The following DMD variants were observed in gnomAD, a reference collection of about 807,000 sequenced individuals.
DMD encodes dystrophin.
DMD carries 63 observed loss-of-function variants against 330.1 expected under a neutral mutation model. The observed-to-expected ratio is 0.19, with a 90% CI of 0.16 to 0.24. The LOEUF (loss-of-function observed/expected upper bound fraction) is 0.24, where lower values mean the gene tolerates loss of function less well. Among genes scored for constraint, DMD ranks in the 10% least tolerant of loss-of-function variants. The pLI is 1.00. For missense variants in DMD, 3,344 were observed against 2,684.1 expected, an observed-to-expected ratio of 1.25 and a Z score of -5.43; for synonymous variants, 1,223 against 959.8, an observed-to-expected ratio of 1.27 and a Z score of -5.07.
chrX:33,316,359 G>T (rs2053932754), intron 1 of DMD, among the ~76,000 whole-genome samples: 1 of 110,651 alleles, frequency 9.0e-6, no homozygotes, highest in African/African-American at 3.3e-5. Context: ...TGGGTTTAAA[G>T]GAAAGGCAGG....
At chrX:31,306,025 C>G (rs979007308) in intron 62 of DMD, among the ~76,000 whole-genome samples, 2 of 111,768 alleles carry the variant, frequency 1.8e-5, no homozygotes, top group African/African-American at 6.5e-5. Flanking sequence ...ATTTGAACTA[C>G]CTTAAAAGAT....
chrX:33,278,000 A>G (rs759626565), intron 1 of DMD, among the ~76,000 whole-genome samples: 56 of 110,435 alleles, frequency 5.1e-4, no homozygotes, highest in African/African-American at 1.8e-3. Flanking sequence ...AGCTATTCAG[A>G]AAGCTGAGGC....
At chrX:31,652,244 C>T in intron 54 of DMD, among the ~76,000 whole-genome samples, 1 of 111,437 alleles carries the variant, frequency 9.0e-6, no homozygotes, top group East Asian at 2.8e-4. Context: ...TTTTGATTAC[C>T]ACATTTTCAT....
intron 45 of DMD, among the ~76,000 whole-genome samples, chrX:31,934,944 A>G (rs1270564482): frequency 8.9e-6 from 1 of 112,165 alleles, no homozygotes; most frequent in Admixed American, 9.5e-5. Context: ...AAAAATAGGA[A>G]AAGTCAATTT....
At chrX:32,692,072 C>G (rs2063320962) in intron 9 of DMD, among the ~76,000 whole-genome samples, 1 of 112,016 alleles carries the variant, frequency 8.9e-6, no homozygotes, top group Non-Finnish European at 1.9e-5. Context: ...TTCTCAAGAT[C>G]TGTTGTACAA....
At chrX:32,254,820 T>C (rs775562382) in intron 43 of DMD, among the ~76,000 whole-genome samples, 1 of 112,110 alleles carries the variant, frequency 8.9e-6, no homozygotes, top group South Asian at 3.7e-4. Flanking sequence ...TTTGGGCACA[T>C]GGGCTTGTCT....
At chrX:31,248,809 A>AG (rs1447501447) in intron 63 of DMD, among the ~76,000 whole-genome samples, 6 of 111,466 alleles carry the variant, frequency 5.4e-5, no homozygotes, top group African/African-American at 2.0e-4. Flanking sequence ...CTCCGGCAAT[A>AG]GGTCTGGCTA....
chrX:33,056,349 C>T lies in DMD; in HGVS notation c.32-36149G>A, dbSNP rs7472656. Among the ~76,000 whole-genome samples the T allele has an allele frequency of 9.2e-3, 931 of 101,231 alleles. 8 individuals are homozygous for T. The highest frequency in any genetic ancestry group is 0.031 in the African/African-American group (886 of 28,489). 87.9% of individuals were successfully genotyped at this position (101,231 alleles called of 115,157 possible). A position where few individuals can be genotyped will look rare whatever the true frequency, so the allele number is the denominator to read the frequency against. On this transcript the variant is annotated intron_variant, in intron 1 of 78. Transcript: ENST00000357033. ...CTGACCCCTGCGCTCTTTTTTTTTTCTTTTTCTTTTCTTTTTTCTTTTCTT... is the reference window on the plus strand; with the variant it reads ...CTGACCCCTGCGCTCTTTTTTTTTTTTTTTTCTTTTCTTTTTTCTTTTCTT...
intron 15 of DMD, among the ~76,000 whole-genome samples, chrX:32,572,124 A>G (rs2052490205): frequency 8.9e-6 from 1 of 111,779 alleles, no homozygotes; most frequent in African/African-American, 3.3e-5. Context: ...TAAAGTCCAT[A>G]TTCTTTGAGC....
intron 1 of DMD, among the ~76,000 whole-genome samples, chrX:33,028,590 T>A (rs2094046133): frequency 8.9e-6 from 1 of 112,135 alleles, no homozygotes; most frequent in Non-Finnish European, 1.9e-5. Context: ...CTTTCTTGCT[T>A]TAGTCCTTTG....
chrX:32,395,600 C>T (rs1422770363), intron 30 of DMD, among the ~76,000 whole-genome samples: 2 of 111,387 alleles, frequency 1.8e-5, no homozygotes, highest in African/African-American at 6.6e-5. Context: ...CAGAAAAACC[C>T]ATGCTCTGTG....
chrX:33,167,480 G>T (rs2049112224), intron 1 of DMD, among the ~76,000 whole-genome samples: 2 of 110,788 alleles, frequency 1.8e-5, no homozygotes, highest in Admixed American at 9.7e-5. Flanking sequence ...TGTAAAAATT[G>T]AATCACATAT....
At chrX:31,729,939 T>C (rs2086374992) in intron 51 of DMD, among the ~76,000 whole-genome samples, 191 bp from the exon 52 acceptor site, 1 of 112,273 alleles carries the variant, frequency 8.9e-6, no homozygotes, top group African/African-American at 3.2e-5. Flanking sequence ...CAAAAATATT[T>C]CAAATGAAAA....
chrX:32,557,052 G>A (rs1425851229), intron 16 of DMD, among the ~76,000 whole-genome samples: 2 of 111,618 alleles, frequency 1.8e-5, no homozygotes, highest in African/African-American at 6.5e-5. Context: ...AAACTCCCTT[G>A]CTATGTTGTA....
At chrX:33,191,395 G>A (rs1267429189) in intron 1 of DMD, among the ~76,000 whole-genome samples, 1 of 97,321 alleles carries the variant, frequency 1.0e-5, no homozygotes, top group African/African-American at 3.5e-5. Flanking sequence ...ACAACACATA[G>A]TTTGCTTTCT....
chrX:32,440,876 G>C (rs998712124), intron 28 of DMD, among the ~76,000 whole-genome samples: 1 of 111,057 alleles, frequency 9.0e-6, no homozygotes, highest in Admixed American at 9.6e-5. Flanking sequence ...CAGTGAGTTT[G>C]TTTATTCACA....
intron 44 of DMD, among the ~76,000 whole-genome samples, chrX:32,159,206 C>T (rs752828674): frequency 7.1e-5 from 8 of 111,919 alleles, no homozygotes; most frequent in Non-Finnish European, 1.5e-4. Context: ...TCTTTCTTAC[C>T]ATAGTAAGCA....
intron 1 of DMD, chrX:33,128,162 A>T: frequency 8.3e-7 from 1 of 1,207,874 alleles, no homozygotes; most frequent in Non-Finnish European, 1.1e-6. Flanking sequence ...GAGACCTCAG[A>T]CATTTCAAAT....
chrX:32,149,564 T>C (rs771114564), intron 44 of DMD, among the ~76,000 whole-genome samples: 18 of 111,417 alleles, frequency 1.6e-4, no homozygotes, highest in Non-Finnish European at 3.0e-4. Flanking sequence ...GGTATAAATA[T>C]AATATGCCAT....
Sources: allele counts gnomAD v4.1 joint callset (sites outside exome capture counted in the v4.1 genomes callset), GRCh38; gene constraint gnomAD v4.1.1; transcripts MANE v1.5; gene names NCBI Gene and HGNC (gene_info 2026-07-23, HGNC 2026-07-21).